The following RNGTT variants were observed in gnomAD, a reference collection of about 807,000 sequenced individuals.
The protein encoded by RNGTT is mRNA-capping enzyme.
In RNGTT, 33 loss-of-function variants were observed where a neutral mutation model predicts 79.3. That is an observed-to-expected ratio of 0.42 (90% CI 0.32 to 0.56). The LOEUF is 0.56. RNGTT is among the 20% of genes least tolerant of loss of function. The pLI is 0.17. For synonymous variants in RNGTT, 222 were observed against 235.9 expected (o/e 0.94, Z 0.54); for missense variants, 497 against 739.1 (o/e 0.67, Z 3.80).
intron 13 of RNGTT, among the ~76,000 whole-genome samples, chr6:88,707,784 TA>T (rs1776185748): frequency 6.6e-6 from 1 of 150,950 alleles, no homozygotes; most frequent in Non-Finnish European, 1.5e-5. Context: ...CACTTTTTCC[TA>T]ATCTAGAGAG....
chr6:88,817,799 T>G (rs894311316), intron 11 of RNGTT, among the ~76,000 whole-genome samples: 23 of 136,118 alleles, frequency 1.7e-4, no homozygotes, highest in African/African-American at 6.1e-4. Context: ...TCGCTGTGTC[T>G]CCCAGGTTGG....
intron 14 of RNGTT, among the ~76,000 whole-genome samples, chr6:88,674,287 C>T (rs61162625): frequency 0.025 from 3,764 of 152,256 alleles, 140 homozygotes; most frequent in African/African-American, 0.085. Flanking sequence ...GTGGCTCACA[C>T]CTGTAATCCC....
chr6:88,803,581 A>AT (rs1377556736), intron 11 of RNGTT, among the ~76,000 whole-genome samples: 3 of 150,358 alleles, frequency 2.0e-5, no homozygotes, highest in African/African-American at 7.4e-5. Flanking sequence ...CATCTCAAAA[A>AT]AAAAAAAAAA....
intron 11 of RNGTT, among the ~76,000 whole-genome samples, chr6:88,841,642 C>A (rs1293240103): frequency 6.6e-6 from 1 of 152,196 alleles, no homozygotes; most frequent in African/African-American, 2.4e-5. Context: ...AATGCAACTT[C>A]TTGGATGCCA....
chr6:88,961,121 T>C (rs1221020891), intron 1 of RNGTT, among the ~76,000 whole-genome samples: 1 of 151,988 alleles, frequency 6.6e-6, no homozygotes, highest in Non-Finnish European at 1.5e-5. Context: ...GGCAGAAAAA[T>C]GTGAAAAGAC....
intron 12 of RNGTT, among the ~76,000 whole-genome samples, chr6:88,772,843 A>C (rs547691496): frequency 1.3e-4 from 20 of 151,872 alleles, no homozygotes; most frequent in African/African-American, 4.6e-4. Context: ...AGGATGTGGA[A>C]AAATAGGAAC....
intron 14 of RNGTT, among the ~76,000 whole-genome samples, chr6:88,670,137 T>C (rs1025020060): frequency 6.6e-6 from 1 of 152,206 alleles, no homozygotes; most frequent in Non-Finnish European, 1.5e-5. Flanking sequence ...GCTGTCTGCA[T>C]ATAGATGACC....
chr6:88,837,304 G>A (rs1781113404), intron 11 of RNGTT, among the ~76,000 whole-genome samples: 1 of 152,170 alleles, frequency 6.6e-6, no homozygotes, highest in African/African-American at 2.4e-5. Flanking sequence ...GGCTGAGGCA[G>A]GAGGATCACT....
intron 12 of RNGTT, among the ~76,000 whole-genome samples, chr6:88,783,537 T>C (rs1196383687): frequency 6.6e-6 from 1 of 152,066 alleles, no homozygotes; most frequent in Non-Finnish European, 1.5e-5. Context: ...ACAATTTCTA[T>C]ACGTCAAAAA....
chr6:88,837,132 C>T (rs953423469), intron 11 of RNGTT, among the ~76,000 whole-genome samples: 1 of 152,096 alleles, frequency 6.6e-6, no homozygotes, highest in Non-Finnish European at 1.5e-5. Flanking sequence ...GGTGGCTTAC[C>T]GTGTAATCCC....
At chr6:88,764,151 C>T (rs1340008859) in intron 13 of RNGTT, among the ~76,000 whole-genome samples, 1 of 152,204 alleles carries the variant, frequency 6.6e-6, no homozygotes, top group Non-Finnish European at 1.5e-5. Context: ...TTCTTCATTA[C>T]CCCAGTTCGC....
intron 13 of RNGTT, among the ~76,000 whole-genome samples, chr6:88,754,722 G>C (rs950388863): frequency 7.9e-5 from 12 of 152,184 alleles, no homozygotes; most frequent in African/African-American, 2.7e-4. Flanking sequence ...GGCCTACCCA[G>C]GGAGGAAAAC....
intron 12 of RNGTT, among the ~76,000 whole-genome samples, chr6:88,786,437 G>A (rs370454371): frequency 2.0e-5 from 3 of 152,038 alleles, no homozygotes; most frequent in Non-Finnish European, 2.9e-5. Flanking sequence ...AAATCATCAC[G>A]TTAAAATATT....
intron 4 of RNGTT, among the ~76,000 whole-genome samples, chr6:88,919,786 G>A (rs1195903672): frequency 2.3e-5 from 3 of 128,402 alleles, no homozygotes; most frequent in African/African-American, 9.4e-5. Context: ...GAGCAATCTC[G>A]GCTCACTACA....
Position 88,823,378 on chromosome 6 carries a change from G to A in RNGTT, c.1269+20979C>T, listed in dbSNP as rs527813582. ...TTGAACTCGGGAGGCTGAGGTTGCA[G>A]TGAGTCAAGATCGCACCATTGCACT... On this transcript the variant is annotated intron_variant, in intron 11 of 15. Coordinates refer to ENST00000369485, the MANE Select transcript of RNGTT (RefSeq NM_003800.5). 8.6e-5 allele frequency among the ~76,000 whole-genome samples: 13 copies of A among 151,676 alleles called. No homozygotes were observed. The East Asian group carries it at 1.9e-3, about 23-fold the overall frequency.
At chr6:88,673,150 G>A (rs1774721559) in intron 14 of RNGTT, among the ~76,000 whole-genome samples, 1 of 152,162 alleles carries the variant, frequency 6.6e-6, no homozygotes, top group Non-Finnish European at 1.5e-5. Context: ...AGGAACTTAA[G>A]TCCTGTGATG....
chr6:88,619,549 G>A (rs879142818), intron 14 of RNGTT, among the ~76,000 whole-genome samples: 4 of 152,128 alleles, frequency 2.6e-5, no homozygotes, highest in Admixed American at 2.6e-4. Flanking sequence ...ACTTATTTTG[G>A]TCAGAATTAA....
intron 1 of RNGTT, among the ~76,000 whole-genome samples, chr6:88,953,128 T>C (rs1785310744): frequency 6.6e-6 from 1 of 152,206 alleles, no homozygotes; most frequent in Admixed American, 6.5e-5. Context: ...AAGAAATTTC[T>C]GAATTGCCAG....
At position 88,610,743 on chromosome 6, in the gene RNGTT, G is replaced by C. The variant is rs1031652235; in HGVS notation, c.*1976C>G. On this transcript the variant is annotated 3_prime_UTR_variant, in exon 16 of 16. Coordinates refer to ENST00000369485, the MANE Select transcript of RNGTT (RefSeq NM_003800.5). ...AAGAAAATATCTGGGTGTATTAAAAGTGAGATGCTCTTTTCACGTAACTCA... is the reference window on the plus strand; with the variant it reads ...AAGAAAATATCTGGGTGTATTAAAACTGAGATGCTCTTTTCACGTAACTCA... 7.2e-5 allele frequency: 11 copies of C among 152,202 alleles called. No homozygotes were observed. Among genetic ancestry groups the C allele is most frequent in the Non-Finnish European group, 1.3e-4 (9 of 68,034 alleles). 9.4% of individuals were successfully genotyped at this position (152,202 alleles called of 1,614,324 possible).
Sources: gnomAD v4.1 joint callset for allele counts (sites outside exome capture counted in the v4.1 genomes callset) on GRCh38, gnomAD v4.1.1 for gene constraint, MANE v1.5 for transcripts, NCBI Gene and HGNC (gene_info 2026-07-23, HGNC 2026-07-21) for gene names.